DNMT3A: variants seen among roughly 807,000 people sequenced by gnomAD.
DNMT3A encodes the protein DNA methyltransferase 3 alpha, also known as DNA (cytosine-5)-methyltransferase 3A.
Under a neutral mutation model 117.6 loss-of-function variants are expected in DNMT3A, and 267 were observed. That is an observed-to-expected ratio of 2.27 (90% confidence interval 2.05 to 2.51). DNMT3A has a LOEUF of 2.51. Ranked by LOEUF, DNMT3A falls within the 30% of genes most tolerant of loss-of-function variation. DNMT3A has a pLI of 0.00. For missense variants in DNMT3A, 1,029 were observed against 1,260.2 expected, an observed-to-expected ratio of 0.82 and a Z score of 2.78; for synonymous variants, 432 against 474.8, an observed-to-expected ratio of 0.91 and a Z score of 1.17.
At chr2:25,276,883 CCA>C (rs2031459539) in intron 4 of DNMT3A, among the ~76,000 whole-genome samples, 1 of 152,262 alleles carries the variant, frequency 6.6e-6, no homozygotes, top group Non-Finnish European at 1.5e-5. Context: ...CGGAAGCCAG[CCA>C]CAGTGTTCAC....
At chr2:25,340,737 G>C (rs1224713435) in intron 1 of DNMT3A, among the ~76,000 whole-genome samples, 1 of 151,946 alleles carries the variant, frequency 6.6e-6, no homozygotes, top group Admixed American at 6.5e-5. Context: ...GTGTGCGTGA[G>C]TGTGTCCGCG....
Position 25,240,433 on chromosome 2 carries a change from AG to A in DNMT3A, c.2190del (p.Phe731SerfsTer48). 2 of 1,610,034 alleles carry A rather than the reference AG, an allele frequency of 1.2e-6. No individual in the cohort carries two copies. The highest frequency in any genetic ancestry group is 1.7e-6 in the Non-Finnish European group (2 of 1,177,948). ...TGCAGGAGGCGGTAGAACTCAAAGAAGAGCCGGCCAGTGCCCTCTGAGAGGT... is the reference window on the plus strand; with the variant it reads ...TGCAGGAGGCGGTAGAACTCAAAGAAAGCCGGCCAGTGCCCTCTGAGAGGT... ...RKGLYEGTGR[L>X]FFEFYRLLHD... On this transcript the variant is annotated frameshift_variant, in exon 19 of 23. Transcript: ENST00000321117. LOFTEE classifies it high-confidence loss of function.
In DNMT3A at chr2:25,281,946, A is replaced by G; in HGVS notation, c.448+495T>C. 3 of 1,082,298 alleles carry G rather than the reference A, an allele frequency of 2.8e-6. No homozygotes were observed. The highest frequency in any genetic ancestry group is 3.4e-6 in the Non-Finnish European group (3 of 888,904). 67.0% of individuals were successfully genotyped at this position (1,082,298 alleles called of 1,614,324 possible). On this transcript the variant is annotated intron_variant, in intron 4 of 22. Transcript: ENST00000321117. This position sits in a 1 kb window ranked among gnomAD's most constrained non-coding sequence, Gnocchi z 4.8. Reference sequence around the variant, plus strand: ...GACCTCTGCACTCAGGGAGGCAAACAGGGTATCTGCTGCCCTTGAGTGCCC... The same window carrying G: ...GACCTCTGCACTCAGGGAGGCAAACGGGGTATCTGCTGCCCTTGAGTGCCC...
At chr2:25,275,215 C>G (rs1471455845) in intron 5 of DNMT3A, 128 bp from the exon 6 acceptor site, 1 of 1,344,912 alleles carries the variant, frequency 7.4e-7, no homozygotes, top group East Asian at 2.6e-5. Context: ...GAGTGCTGGG[C>G]AGGCCCCGTG....
In DNMT3A at chr2:25,302,547, C is replaced by T. The variant is rs191962318; in HGVS notation, c.73-2304G>A. Among the ~76,000 whole-genome samples, 332 of 152,256 alleles carry T rather than the reference C, an allele frequency of 2.2e-3. 1 individual carries two copies. Among genetic ancestry groups the T allele is most frequent in the African/African-American group, 6.8e-3 (281 of 41,538 alleles). ...GCTCTTTTCAGGAAAGCACAGCAGA[C>T]GGGCGGTGAGGGCAGAAAGGCTGTG... is the stretch of plus-strand genomic sequence containing the variant. On this transcript the variant is annotated intron_variant, in intron 2 of 22. Transcript: ENST00000321117.
chr2:25,239,367 G>T, intron 19 of DNMT3A, 152 bp from the exon 20 acceptor site: 2 of 695,060 alleles, frequency 2.9e-6, no homozygotes, highest in Admixed American at 4.1e-5. Context: ...AGGAGAAGCT[G>T]GAATTACACC....
chr2:25,307,782 C>T (rs1000055673), intron 2 of DNMT3A, among the ~76,000 whole-genome samples: 1 of 152,182 alleles, frequency 6.6e-6, no homozygotes, highest in Admixed American at 6.5e-5. Context: ...CTATTCTGCA[C>T]AGCTGAGCCT....
chr2:25,240,834 G>A (rs1558660516), intron 17 of DNMT3A, 104 bp from the exon 18 acceptor site: 8 of 1,145,890 alleles, frequency 7.0e-6, no homozygotes, highest in South Asian at 4.2e-5. Context: ...CCTTTGACAC[G>A]AAAGAGAGGA....
chr2:25,242,911 TATA>T (rs72110857), intron 16 of DNMT3A, among the ~76,000 whole-genome samples: 1 of 151,450 alleles, frequency 6.6e-6, no homozygotes, highest in East Asian at 1.9e-4. Context: ...CAGCACTACT[TATA>T]ATAATAATAA....
chr2:25,230,804 G>T lies in DNMT3A; in HGVS notation c.*3475C>A, dbSNP rs1483175063. 18 of 139,540 alleles carry T rather than the reference G, an allele frequency of 1.3e-4. No individual in the cohort carries two copies. The highest frequency in any genetic ancestry group is 2.8e-4 in the South Asian group (1 of 3,614). The allele number at this position is 139,540 out of a possible 1,614,324, so 8.6% of individuals were successfully genotyped here. On this transcript the variant is annotated 3_prime_UTR_variant, in exon 23 of 23. Coordinates refer to ENST00000321117, the MANE Select transcript of DNMT3A (RefSeq NM_022552.5). ...TCGTCCCTGCAAGGGGGGGGGGGGG[G>T]GGGCCATGACCCCTGGGGCATCTGG...
chr2:25,336,015 C>T (rs950508265), intron 1 of DNMT3A, among the ~76,000 whole-genome samples: 2 of 152,122 alleles, frequency 1.3e-5, no homozygotes, highest in African/African-American at 4.8e-5. Context: ...CAGGCGTCTG[C>T]ACCTCCCTTA....
At position 25,240,301 on chromosome 2, in the gene DNMT3A, C is replaced by G. The variant is rs903011938; in HGVS notation, c.2322+1G>C. 6.2e-7 allele frequency: 1 copy of G among 1,614,038 alleles called. No homozygotes were observed. Among genetic ancestry groups the G allele is most frequent in the Non-Finnish European group, 8.5e-7 (1 of 1,179,958 alleles). ...GGCCAAACCAAGGTTGCTGGCTATA[C>G]CTCGAGAAATCGCGAGATGTCCCTC... is the stretch of plus-strand genomic sequence containing the variant. On this transcript the variant is annotated splice_donor_variant, in intron 19 of 22. Transcript: ENST00000321117. LOFTEE classifies it high-confidence loss of function.
intron 3 of DNMT3A, among the ~76,000 whole-genome samples, chr2:25,291,189 C>G (rs1187089033): frequency 1.3e-5 from 2 of 152,258 alleles, no homozygotes; most frequent in Non-Finnish European, 2.9e-5. Flanking sequence ...CTCAGCTCTG[C>G]AGGCCCATCA....
rs1005359774 is a variant in DNMT3A at position 25,240,720 on chromosome 2, C to T, written c.2093G>A (p.Trp698Ter). 3.1e-6 allele frequency: 5 copies of T among 1,614,068 alleles called. No homozygotes were observed. The highest frequency in any genetic ancestry group is 4.2e-6 in the Non-Finnish European group (5 of 1,180,032). ...RSVTQKHIQE[W>*]GPFDLVIGGS... is the part of the protein sequence containing the mutation. ...CCCAATCACCAGATCGAATGGGCCCCACTCCTGGATCTGGGAGGATAAAGG... is the reference window on the plus strand; with the variant it reads ...CCCAATCACCAGATCGAATGGGCCCTACTCCTGGATCTGGGAGGATAAAGG... Residue 698 changes from tryptophan to a stop codon, truncating the protein, a stop_gained, in exon 18 of 23, where the codon TGG (tryptophan) becomes TAG (stop). Coordinates refer to ENST00000321117, the MANE Select transcript of DNMT3A (RefSeq NM_022552.5). LOFTEE classifies it high-confidence loss of function.
At position 25,298,072 on chromosome 2, in the gene DNMT3A, A is replaced by G. The variant is rs1022245706; in HGVS notation, c.177+2067T>C. 1.3e-5 allele frequency among the ~76,000 whole-genome samples: 2 copies of G among 152,224 alleles called. No individual in the cohort carries two copies. Among genetic ancestry groups the G allele is most frequent in the East Asian group, 1.9e-4 (1 of 5,190 alleles). On this transcript the variant is annotated intron_variant, in intron 3 of 22. Coordinates refer to ENST00000321117, the MANE Select transcript of DNMT3A (RefSeq NM_022552.5). The surrounding 1 kb of genome is among the most constrained non-coding windows in gnomAD (Gnocchi z 4.3). ...GCTGAGGCTCCTTGGTGCTTGCACC[A>G]TTTCGTTCTCACAGGGGCAAGGAGA...
At chr2:25,243,706 T>A (rs1300716712) in intron 16 of DNMT3A, among the ~76,000 whole-genome samples, 192 bp downstream of exon 16, 1 of 152,268 alleles carries the variant, frequency 6.6e-6, no homozygotes, top group African/African-American at 2.4e-5. Flanking sequence ...CCTGTTTTAC[T>A]TTTTTATTTT....
Position 25,234,146 on chromosome 2 carries a change from T to G in DNMT3A, c.*133A>C. The G allele has an allele frequency of 7.2e-7, 1 of 1,386,040 alleles. No individual in the cohort carries two copies. Among genetic ancestry groups the G allele is most frequent in the Non-Finnish European group, 9.5e-7 (1 of 1,053,282 alleles). 85.9% of individuals were successfully genotyped at this position (1,386,040 alleles called of 1,614,324 possible). On this transcript the variant is annotated 3_prime_UTR_variant, in exon 23 of 23. Coordinates refer to ENST00000321117, the MANE Select transcript of DNMT3A (RefSeq NM_022552.5). The surrounding 1 kb of genome is among the most constrained non-coding windows in gnomAD (Gnocchi z 4.5). ...GGTATTTCCGCCTCTGTGGTTTTTG[T>G]TTTAAATTCCTTTTTCTCTTCTGGG... is the stretch of plus-strand genomic sequence containing the variant.
At chr2:25,242,042 C>T (rs1195171425) in intron 16 of DNMT3A, 1 of 319,684 alleles carries the variant, frequency 3.1e-6, no homozygotes, top group Admixed American at 5.5e-5. Context: ...CAACTTGGTC[C>T]TTCCATACCC....
intron 3 of DNMT3A, among the ~76,000 whole-genome samples, chr2:25,290,887 G>T (rs1277401622): frequency 6.6e-6 from 1 of 152,090 alleles, no homozygotes; most frequent in Non-Finnish European, 1.5e-5. Context: ...CTCCCCCAAA[G>T]CCCAGCAGAT....
Sources: allele counts gnomAD v4.1 joint callset (sites outside exome capture counted in the v4.1 genomes callset), GRCh38; gene constraint gnomAD v4.1.1; non-coding constraint Gnocchi (gnomAD v3.1); transcripts MANE v1.5; gene names NCBI Gene and HGNC (gene_info 2026-07-23, HGNC 2026-07-21).